ACTR3C: variants seen among roughly 807,000 people sequenced by gnomAD.
The protein encoded by ACTR3C is actin-related protein 3C.
ACTR3C carries 18 observed loss-of-function variants against 26.3 expected under a neutral mutation model. The ratio of observed to expected loss-of-function variants is 0.68; its 90% CI spans 0.47 to 1.01. The LOEUF is 1.01. Ranked by LOEUF, ACTR3C falls within the 50% of genes least tolerant of loss-of-function variation. The pLI, the probability that ACTR3C is intolerant of heterozygous loss-of-function variation, is 0.00. For missense variants in ACTR3C, 184 were observed against 250.7 expected (o/e 0.73, Z 1.80); for synonymous variants, 55 against 94.5 (o/e 0.58, Z 2.42).
chr7:150,217,865 T>C, the ACTR3C span, among the ~76,000 whole-genome samples: 2 of 150,490 alleles, frequency 1.3e-5, no homozygotes, highest in Non-Finnish European at 2.9e-5. Flanking sequence ...CTAACACATC[T>C]AAAAGGTGAA....
chr7:149,989,269 T>C, the ACTR3C span, among the ~76,000 whole-genome samples: 1 of 152,256 alleles, frequency 6.6e-6, no homozygotes, highest in Non-Finnish European at 1.5e-5. Context: ...AACATATATA[T>C]CACCTCACAG....
At chr7:150,038,272 G>C in the ACTR3C span, among the ~76,000 whole-genome samples, 38 of 143,854 alleles carry the variant, frequency 2.6e-4, no homozygotes, top group South Asian at 3.9e-3. Flanking sequence ...ACCCTGTCTA[G>C]TTGTTTAGAG....
the ACTR3C span, among the ~76,000 whole-genome samples, chr7:150,028,627 C>T: frequency 6.6e-6 from 1 of 152,272 alleles, no homozygotes; most frequent in Non-Finnish European, 1.5e-5. Context: ...CCTTTATCCC[C>T]CCACCTGACA....
At chr7:150,298,132 G>A (rs1322812225) in intron 1 of ACTR3C, among the ~76,000 whole-genome samples, 2 of 150,896 alleles carry the variant, frequency 1.3e-5, no homozygotes, top group South Asian at 2.1e-4. Context: ...GAAGGAAGGG[G>A]AGGCAAGAAC....
chr7:150,006,417 T>C, the ACTR3C span, among the ~76,000 whole-genome samples: 6 of 147,830 alleles, frequency 4.1e-5, no homozygotes, highest in South Asian at 2.2e-4. Context: ...CAGGATGGTC[T>C]CGATCTCCTG....
the ACTR3C span, among the ~76,000 whole-genome samples, chr7:150,029,426 A>AC: frequency 3.8e-4 from 49 of 129,490 alleles, 1 homozygote; most frequent in Middle Eastern, 4.0e-3. Flanking sequence ...AACAAACAAA[A>AC]AAAAACCATG....
chr7:150,182,833 T>C, the ACTR3C span, among the ~76,000 whole-genome samples: 1 of 151,010 alleles, frequency 6.6e-6, no homozygotes, highest in Middle Eastern at 3.2e-3. Flanking sequence ...ATGATATAAA[T>C]TATTCTAGGC....
intron 6 of ACTR3C, among the ~76,000 whole-genome samples, chr7:150,251,867 A>T (rs1832873286): frequency 6.6e-6 from 1 of 152,128 alleles, no homozygotes; most frequent in Non-Finnish European, 1.5e-5. Flanking sequence ...ACTTGAATCA[A>T]CAATATATAT....
At chr7:150,071,310 G>C in the ACTR3C span, among the ~76,000 whole-genome samples, 2,674 of 149,218 alleles carry the variant, frequency 0.018, 41 homozygotes, top group African/African-American at 0.044. Context: ...ATTTTTAGTA[G>C]AGACGGGGTT....
chr7:150,091,562 C>T, the ACTR3C span, among the ~76,000 whole-genome samples: 2 of 88,724 alleles, frequency 2.3e-5, no homozygotes, highest in Non-Finnish European at 4.5e-5. Context: ...AAAAAAGGTC[C>T]TCATCAACTT....
the ACTR3C span, chr7:150,003,080 T>C: frequency 6.6e-6 from 1 of 152,146 alleles, no homozygotes; most frequent in Non-Finnish European, 1.5e-5. Flanking sequence ...GAAGTTGAGG[T>C]AGGGAGATGT....
chr7:150,038,750 G>C, the ACTR3C span, among the ~76,000 whole-genome samples: 1 of 125,322 alleles, frequency 8.0e-6, no homozygotes, highest in African/African-American at 3.1e-5. Context: ...CGATGGGGGG[G>C]TCCTAAGCCA....
At chr7:150,066,182 G>T in the ACTR3C span, among the ~76,000 whole-genome samples, 2 of 152,112 alleles carry the variant, frequency 1.3e-5, no homozygotes, top group Non-Finnish European at 1.5e-5. Flanking sequence ...AAAGACAGGA[G>T]AAGGGAGACC....
At chr7:150,171,121 C>T in the ACTR3C span, among the ~76,000 whole-genome samples, 7 of 134,630 alleles carry the variant, frequency 5.2e-5, no homozygotes, top group South Asian at 5.0e-4. Flanking sequence ...CAAACCTGAC[C>T]GACTTTTTAT....
At chr7:150,116,680 G>C in the ACTR3C span, among the ~76,000 whole-genome samples, 1 of 152,178 alleles carries the variant, frequency 6.6e-6, no homozygotes, top group Non-Finnish European at 1.5e-5. Context: ...GATATTCAAA[G>C]ACATCTAATG....
the ACTR3C span, among the ~76,000 whole-genome samples, chr7:150,035,152 G>T: frequency 1.2e-4 from 16 of 132,066 alleles, no homozygotes; most frequent in African/African-American, 4.3e-4. Flanking sequence ...CAACGATGGG[G>T]GTCCTAAGCC....
chr7:149,913,896 T>TG, the ACTR3C span, among the ~76,000 whole-genome samples: 1 of 147,352 alleles, frequency 6.8e-6, no homozygotes, highest in East Asian at 2.0e-4. Context: ...CTTTTTTTTT[T>TG]TTTTTTTTTG....
chr7:150,048,201 A>G, the ACTR3C span, among the ~76,000 whole-genome samples: 2 of 152,144 alleles, frequency 1.3e-5, no homozygotes, highest in African/African-American at 4.8e-5. Context: ...AAAAACCAAA[A>G]ACATAAAGCG....
At chr7:150,173,272 A>G in the ACTR3C span, among the ~76,000 whole-genome samples, 18 of 147,188 alleles carry the variant, frequency 1.2e-4, no homozygotes, top group African/African-American at 4.6e-4. Context: ...ATCTAGGTGG[A>G]GGTTCCCAAA....
Sources: allele counts gnomAD v4.1 joint callset (sites outside exome capture counted in the v4.1 genomes callset), GRCh38; gene constraint gnomAD v4.1.1; transcripts MANE v1.5; gene names NCBI Gene and HGNC (gene_info 2026-07-23, HGNC 2026-07-21).